COL25A1: variants seen among roughly 807,000 people sequenced by gnomAD.
COL25A1 encodes the protein collagen type XXV alpha 1 chain.
COL25A1 carries 103 observed loss-of-function variants against 128.4 expected under a neutral mutation model. The observed-to-expected ratio is 0.80, with a 90% confidence interval of 0.68 to 0.94. COL25A1 has a LOEUF of 0.94. COL25A1 is among the 40% of genes least tolerant of loss of function. COL25A1 has a pLI of 0.00. For missense variants in COL25A1, 745 were observed against 840.0 expected (o/e 0.89, Z 1.40); for synonymous variants, 279 against 277.2 (o/e 1.01, Z -0.06).
At chr4:109,286,883 T>C (rs563874529) in intron 3 of COL25A1, among the ~76,000 whole-genome samples, 2 of 152,348 alleles carry the variant, frequency 1.3e-5, no homozygotes, top group Admixed American at 1.3e-4. Context: ...CCACAGAGTC[T>C]GATCCAACAT....
chr4:109,269,317 T>C (rs1479036106), intron 3 of COL25A1, among the ~76,000 whole-genome samples: 6 of 150,872 alleles, frequency 4.0e-5, no homozygotes, highest in African/African-American at 1.5e-4. Flanking sequence ...CACATTTTCT[T>C]AATCCAGTCT....
At chr4:109,227,792 T>C (rs968874255) in intron 3 of COL25A1, among the ~76,000 whole-genome samples, 22 of 152,160 alleles carry the variant, frequency 1.4e-4, no homozygotes, top group African/African-American at 4.8e-4. Flanking sequence ...AATAGGGCAC[T>C]TATATAGATA....
intron 6 of COL25A1, among the ~76,000 whole-genome samples, chr4:109,009,339 A>G (rs546915024): frequency 1.3e-5 from 2 of 152,240 alleles, no homozygotes; most frequent in Non-Finnish European, 1.5e-5. Flanking sequence ...TCAGATATCA[A>G]TATAAGTTAA....
intron 6 of COL25A1, among the ~76,000 whole-genome samples, chr4:108,978,276 C>T (rs972269261): frequency 2.0e-5 from 3 of 152,236 alleles, no homozygotes; most frequent in African/African-American, 7.2e-5. Context: ...CTGCTTCGGA[C>T]GCTCCGGCCC....
intron 3 of COL25A1, among the ~76,000 whole-genome samples, chr4:109,260,504 G>A (rs1228687154): frequency 1.3e-5 from 2 of 150,836 alleles, no homozygotes; most frequent in Non-Finnish European, 1.5e-5. Flanking sequence ...TTTTTTGTTT[G>A]TTTTTTTTTG....
At position 108,895,814 on chromosome 4, in the gene COL25A1, C is replaced by A. The variant is rs1376022230; in HGVS notation, c.906+853G>T. Among the ~76,000 whole-genome samples the A allele has an allele frequency of 5.3e-5, 8 of 151,964 alleles. No individual in the cohort carries two copies. The East Asian group carries it at 1.5e-3, about 29-fold the overall frequency. ...TGGCGAGTTCCGAGATTTTGGTGCA[C>A]CCATCACCCAAGCAATGTACACTAT... On this transcript the variant is annotated intron_variant, in intron 16 of 37. Transcript: ENST00000399132.
intron 5 of COL25A1, among the ~76,000 whole-genome samples, chr4:109,035,972 G>A (rs1759311684): frequency 6.6e-6 from 1 of 151,860 alleles, no homozygotes; most frequent in African/African-American, 2.4e-5. Flanking sequence ...CTGTCGCTCA[G>A]GCTGGAGTGC....
chr4:109,300,191 A>AC (rs1185455345), intron 3 of COL25A1, among the ~76,000 whole-genome samples: 2 of 151,980 alleles, frequency 1.3e-5, no homozygotes, highest in African/African-American at 2.4e-5. Flanking sequence ...CAAAAAAAAA[A>AC]AAAAACTCTG....
intron 6 of COL25A1, among the ~76,000 whole-genome samples, chr4:108,984,760 G>C (rs963694891): frequency 7.2e-5 from 11 of 152,214 alleles, no homozygotes; most frequent in Non-Finnish European, 8.8e-5. Flanking sequence ...CAAGCTGAGG[G>C]AGCCGGCTCC....
At chr4:109,168,421 T>G (rs1773275805) in intron 3 of COL25A1, among the ~76,000 whole-genome samples, 1 of 152,174 alleles carries the variant, frequency 6.6e-6, no homozygotes, top group Non-Finnish European at 1.5e-5. Context: ...TTCTCTTGCT[T>G]TAGAGTTTCA....
chr4:108,870,005 T>C (rs980798796), intron 19 of COL25A1, among the ~76,000 whole-genome samples: 6 of 152,030 alleles, frequency 3.9e-5, no homozygotes, highest in South Asian at 2.1e-4. Flanking sequence ...GTAATCCCAG[T>C]ACTTTGGAAG....
chr4:109,145,272 T>C (rs1334475257), intron 3 of COL25A1, among the ~76,000 whole-genome samples: 1 of 152,014 alleles, frequency 6.6e-6, no homozygotes, highest in Non-Finnish European at 1.5e-5. Flanking sequence ...TTTCACTGTG[T>C]TAGCCAGGAT....
chr4:108,856,912 T>G (rs1736590706), intron 24 of COL25A1, among the ~76,000 whole-genome samples: 2 of 152,118 alleles, frequency 1.3e-5, no homozygotes, highest in Admixed American at 1.3e-4. Context: ...AGAAAAAAAT[T>G]TATTCCAATA....
intron 3 of COL25A1, among the ~76,000 whole-genome samples, chr4:109,060,396 C>A (rs193267921): frequency 1.1e-4 from 16 of 152,138 alleles, no homozygotes; most frequent in Admixed American, 9.8e-4. Flanking sequence ...CCCCTTGACC[C>A]CCACCTCATT....
At chr4:108,988,784 C>G (rs1426827769) in intron 6 of COL25A1, among the ~76,000 whole-genome samples, 1 of 152,206 alleles carries the variant, frequency 6.6e-6, no homozygotes, top group African/African-American at 2.4e-5. Context: ...ATTTCACATG[C>G]TCACCATTTC....
intron 3 of COL25A1, among the ~76,000 whole-genome samples, chr4:109,242,133 C>T (rs959457198): frequency 3.3e-5 from 5 of 151,990 alleles, no homozygotes; most frequent in Admixed American, 3.3e-4. Flanking sequence ...AAATGGAATG[C>T]TGCTTGTTTT....
chr4:109,019,471 A>G (rs35913557), intron 5 of COL25A1, among the ~76,000 whole-genome samples: 76,658 of 149,570 alleles, frequency 0.51, 22,334 homozygotes, highest in African/African-American at 0.78. Flanking sequence ...AAAGAAAAAA[A>G]GTTTAATCAG....
chr4:108,870,331 T>C (rs1312188878), intron 19 of COL25A1, among the ~76,000 whole-genome samples: 1 of 151,536 alleles, frequency 6.6e-6, no homozygotes, highest in Non-Finnish European at 1.5e-5. Context: ...TAATATGCTA[T>C]AAAAAACCTT....
intron 3 of COL25A1, among the ~76,000 whole-genome samples, chr4:109,243,410 T>C (rs1780039273): frequency 6.6e-6 from 1 of 151,970 alleles, no homozygotes; most frequent in Non-Finnish European, 1.5e-5. Context: ...TAGGACCAGA[T>C]AGTTACTCTT....
Sources: gnomAD v4.1 joint callset for allele counts (sites outside exome capture counted in the v4.1 genomes callset) on GRCh38, gnomAD v4.1.1 for gene constraint, MANE v1.5 for transcripts, NCBI Gene and HGNC (gene_info 2026-07-23, HGNC 2026-07-21) for gene names.